NXPH1: variants seen among roughly 807,000 people sequenced by gnomAD.
NXPH1 encodes neurexophilin-1.
Under a neutral mutation model 23.7 loss-of-function variants are expected in NXPH1, and 5 were observed. The observed-to-expected ratio is 0.21, with a 90% confidence interval of 0.11 to 0.44. NXPH1 has a LOEUF of 0.44. Ranked by LOEUF, NXPH1 falls within the 20% of genes least tolerant of loss-of-function variation. NXPH1 has a pLI of 0.99. For synonymous variants in NXPH1, 144 were observed against 122.2 expected, an observed-to-expected ratio of 1.18 and a Z score of -1.18; for missense variants, 324 against 321.6, an observed-to-expected ratio of 1.01 and a Z score of -0.06.
At chr7:8,721,179 G>C (rs1779963545) in intron 2 of NXPH1, among the ~76,000 whole-genome samples, 1 of 152,106 alleles carries the variant, frequency 6.6e-6, no homozygotes, top group African/African-American at 2.4e-5. Flanking sequence ...ACCTGCTTAA[G>C]GGTAAATGGG....
intron 2 of NXPH1, among the ~76,000 whole-genome samples, chr7:8,504,185 T>G (rs12535315): frequency 0.078 from 11,861 of 152,050 alleles, 954 homozygotes; most frequent in East Asian, 0.25. Context: ...TGTTCTCTTT[T>G]GAAGCTCTAG....
chr7:8,739,543 C>T (rs1780325892), intron 2 of NXPH1, among the ~76,000 whole-genome samples: 1 of 152,176 alleles, frequency 6.6e-6, no homozygotes, highest in African/African-American at 2.4e-5. Flanking sequence ...AGTCACCCGC[C>T]TTTTGCATTG....
chr7:8,725,631 C>T (rs1394221315), intron 2 of NXPH1, among the ~76,000 whole-genome samples: 1 of 152,154 alleles, frequency 6.6e-6, no homozygotes, highest in African/African-American at 2.4e-5. Context: ...AATTCAAACT[C>T]CAGCATCATC....
chr7:8,489,004 C>A (rs1166226987), intron 2 of NXPH1, among the ~76,000 whole-genome samples: 1 of 152,116 alleles, frequency 6.6e-6, no homozygotes, highest in Non-Finnish European at 1.5e-5. Context: ...AGTCTTTGGA[C>A]TCAAACCTTT....
In NXPH1 at chr7:8,751,465, C is replaced by A. The variant is rs778623593; in HGVS notation, c.512C>A (p.Thr171Lys). 2 of 1,613,782 alleles carry A rather than the reference C, an allele frequency of 1.2e-6. No individual in the cohort carries two copies. Among genetic ancestry groups the A allele is most frequent in the South Asian group, 1.1e-5 (1 of 91,084 alleles). Residue 171 changes from threonine to lysine, a missense_variant, in exon 3 of 3, where the codon ACA becomes AAA. Coordinates refer to ENST00000405863, the MANE Select transcript of NXPH1 (RefSeq NM_152745.3). This position sits in a 1 kb window ranked among gnomAD's most constrained non-coding sequence, Gnocchi z 4.5. ...GTATCTGTCAGCTTGGTACCCCCTA[C>A]AAAAATCGTGGAATTTGACTTGGCA... is the stretch of plus-strand genomic sequence containing the variant. ...GNVSVSLVPP[T>K]KIVEFDLAQQ...
chr7:8,695,900 T>C (rs974841209), intron 2 of NXPH1, among the ~76,000 whole-genome samples: 2 of 152,212 alleles, frequency 1.3e-5, no homozygotes, highest in Non-Finnish European at 1.5e-5. Flanking sequence ...AGTCATTGTA[T>C]TGTTTCTTAA....
intron 2 of NXPH1, among the ~76,000 whole-genome samples, chr7:8,547,970 G>C (rs991415709): frequency 1.3e-5 from 2 of 151,332 alleles, no homozygotes; most frequent in African/African-American, 4.8e-5. Flanking sequence ...GTGTTTTTTT[G>C]ATATGATTTA....
At chr7:8,479,176 G>A (rs1025801502) in intron 2 of NXPH1, among the ~76,000 whole-genome samples, 1 of 152,058 alleles carries the variant, frequency 6.6e-6, no homozygotes, top group African/African-American at 2.4e-5. Context: ...CTATAAAACA[G>A]CAGATTTAAT....
intron 2 of NXPH1, among the ~76,000 whole-genome samples, chr7:8,444,759 T>C (rs1816367645): frequency 6.6e-6 from 1 of 152,238 alleles, no homozygotes; most frequent in African/African-American, 2.4e-5. Flanking sequence ...GCAAAGAAGA[T>C]AGGATGTAGC....
chr7:8,603,078 T>G (rs1043299659), intron 2 of NXPH1, among the ~76,000 whole-genome samples: 4 of 152,190 alleles, frequency 2.6e-5, no homozygotes, highest in Non-Finnish European at 5.9e-5. Context: ...CCCAAAGTGC[T>G]GGGATTACAG....
At chr7:8,728,017 G>T (rs555608839) in intron 2 of NXPH1, among the ~76,000 whole-genome samples, 2,155 of 150,592 alleles carry the variant, frequency 0.014, 53 homozygotes, top group African/African-American at 0.051. Flanking sequence ...ATTTCCTTGA[G>T]CAGTGGTTTG....
intron 2 of NXPH1, among the ~76,000 whole-genome samples, chr7:8,630,323 G>A (rs1198380192): frequency 1.3e-5 from 2 of 152,190 alleles, no homozygotes; most frequent in African/African-American, 4.8e-5. Context: ...AAACTGTACA[G>A]TGTTTTATAA....
At chr7:8,522,762 C>T (rs938076903) in intron 2 of NXPH1, among the ~76,000 whole-genome samples, 1 of 152,150 alleles carries the variant, frequency 6.6e-6, no homozygotes, top group East Asian at 1.9e-4. Flanking sequence ...GGATTCATTC[C>T]TGCTTCCCAC....
intron 2 of NXPH1, among the ~76,000 whole-genome samples, chr7:8,498,600 T>A (rs1352060403): frequency 6.8e-6 from 1 of 147,116 alleles, no homozygotes; most frequent in Admixed American, 6.6e-5. Flanking sequence ...TAGTCTCTCA[T>A]TTTTTTGTTC....
chr7:8,507,194 G>A lies in NXPH1; in HGVS notation c.54+71427G>A, dbSNP rs766578514. Among the ~76,000 whole-genome samples the A allele has an allele frequency of 1.1e-4, 16 of 151,648 alleles. 1 individual carries two copies. The highest frequency in any genetic ancestry group is 1.9e-4 in the East Asian group (1 of 5,162). The stretch of plus-strand genomic sequence containing the variant: ...GCTATGGGTTATATTTGGGGGTGGC[G>A]TGGGGAGAAGGAAGTGTCTGAATGA... On this transcript the variant is annotated intron_variant, in intron 2 of 2. Coordinates refer to ENST00000405863, the MANE Select transcript of NXPH1 (RefSeq NM_152745.3).
At chr7:8,552,137 A>C (rs1394417478) in intron 2 of NXPH1, among the ~76,000 whole-genome samples, 2 of 150,402 alleles carry the variant, frequency 1.3e-5, no homozygotes, top group African/African-American at 4.9e-5. Flanking sequence ...AAAAAAAAAA[A>C]AAAAACCACC....
chr7:8,492,260 G>C (rs1200579086), intron 2 of NXPH1, among the ~76,000 whole-genome samples: 1 of 151,944 alleles, frequency 6.6e-6, no homozygotes, highest in Non-Finnish European at 1.5e-5. Context: ...TGCTAATCTT[G>C]TTACTTGCCT....
At chr7:8,601,578 C>G (rs112689460) in intron 2 of NXPH1, among the ~76,000 whole-genome samples, 2,593 of 152,214 alleles carry the variant, frequency 0.017, 79 homozygotes, top group African/African-American at 0.059. Flanking sequence ...TGATGTTGAC[C>G]CTTGTCCTCA....
chr7:8,572,527 T>C (rs1268946524), intron 2 of NXPH1, among the ~76,000 whole-genome samples: 1 of 151,948 alleles, frequency 6.6e-6, no homozygotes, highest in East Asian at 1.9e-4. Flanking sequence ...AGACAGTCTA[T>C]TATTAAGGTG....
Sources: gnomAD v4.1 joint callset for allele counts (sites outside exome capture counted in the v4.1 genomes callset) on GRCh38, gnomAD v4.1.1 for gene constraint, Gnocchi (gnomAD v3.1) non-coding constraint, MANE v1.5 for transcripts, NCBI Gene and HGNC (gene_info 2026-07-23, HGNC 2026-07-21) for gene names.